ELAPOR2: variants seen among roughly 807,000 people sequenced by gnomAD.
ELAPOR2 encodes the protein endosome/lysosome-associated apoptosis and autophagy regulator family member 2.
Under a neutral mutation model 120.7 loss-of-function variants are expected in ELAPOR2, and 89 were observed. That is an observed-to-expected ratio of 0.74 (90% CI 0.62 to 0.88). The LOEUF (loss-of-function observed/expected upper bound fraction) is 0.88, where lower values mean the gene tolerates loss of function less well. Ranked by LOEUF, ELAPOR2 falls within the 40% of genes least tolerant of loss-of-function variation. The pLI is 0.00. For synonymous variants in ELAPOR2, 444 were observed against 444.9 expected, an observed-to-expected ratio of 1.00 and a Z score of 0.03; for missense variants, 1,134 against 1,251.6, an observed-to-expected ratio of 0.91 and a Z score of 1.42.
chr7:87,041,430 C>A (rs542306834), intron 1 of ELAPOR2, among the ~76,000 whole-genome samples: 4 of 151,988 alleles, frequency 2.6e-5, no homozygotes, highest in Admixed American at 6.5e-5. Context: ...ATAAACCCTA[C>A]GAGCCAGAAG....
chr7:86,883,484 GA>G (rs1450824760), intron 21 of ELAPOR2, among the ~76,000 whole-genome samples: 1 of 152,156 alleles, frequency 6.6e-6, no homozygotes. Context: ...TCAAACACTG[GA>G]AATAGCACAG....
At chr7:86,967,680 T>C (rs1005068915) in intron 1 of ELAPOR2, among the ~76,000 whole-genome samples, 4 of 152,128 alleles carry the variant, frequency 2.6e-5, no homozygotes, top group African/African-American at 9.7e-5. Flanking sequence ...AGTTATGAGA[T>C]GAGAACAGCA....
intron 8 of ELAPOR2, among the ~76,000 whole-genome samples, chr7:86,936,743 T>C (rs1485189641): frequency 6.6e-6 from 1 of 152,102 alleles, no homozygotes. Flanking sequence ...ACATTTAATA[T>C]ACGGTCTTGC....
In ELAPOR2 at chr7:86,879,867, A is replaced by C. The variant is rs906140776; in HGVS notation, c.*604T>G. The C allele has an allele frequency of 1.9e-4, 29 of 152,336 alleles. No homozygotes were observed. The highest frequency in any genetic ancestry group is 7.0e-4 in the African/African-American group (29 of 41,568). The allele number at this position is 152,336 out of a possible 1,614,324, so 9.4% of individuals were successfully genotyped here. On this transcript the variant is annotated 3_prime_UTR_variant, in exon 22 of 22. Coordinates refer to ENST00000450689, the MANE Select transcript of ELAPOR2 (RefSeq NM_001142749.3). Reference sequence around the variant, plus strand: ...ATTTCAAAGGCAATTATAAATCTAGATAACCCAAGCACATGCTAACTCTTC... The same window carrying C: ...ATTTCAAAGGCAATTATAAATCTAGCTAACCCAAGCACATGCTAACTCTTC...
rs191270964 is a variant in ELAPOR2, at chr7:86,996,035, C to T, written c.190-31011G>A. ...AGCCAAAACCTTAACACAATGAAGC[C>T]AGCCACTGAGCTAAATGCAAATGTG... is the stretch of plus-strand genomic sequence containing the variant. On this transcript the variant is annotated intron_variant, in intron 1 of 21. Coordinates refer to ENST00000450689, the MANE Select transcript of ELAPOR2 (RefSeq NM_001142749.3). Among the ~76,000 whole-genome samples the T allele has an allele frequency of 1.3e-3, 196 of 152,156 alleles. 6 individuals are homozygous for T. The South Asian group carries it at 0.035, about 27-fold the overall frequency.
intron 10 of ELAPOR2, among the ~76,000 whole-genome samples, chr7:86,922,048 T>A (rs1789856931): frequency 6.6e-6 from 1 of 151,948 alleles, no homozygotes; most frequent in African/African-American, 2.4e-5. Flanking sequence ...AAATTAAGAT[T>A]TTTTTTTCCT....
At chr7:86,882,033 C>T (rs1799436126) in intron 21 of ELAPOR2, among the ~76,000 whole-genome samples, 2 of 152,172 alleles carry the variant, frequency 1.3e-5, no homozygotes, top group African/African-American at 4.8e-5. Flanking sequence ...AGCATACACA[C>T]AAACATATCA....
intron 3 of ELAPOR2, 114 bp downstream of exon 3, chr7:86,947,613 C>T (rs999381401): frequency 1.2e-5 from 11 of 919,348 alleles, no homozygotes; most frequent in Middle Eastern, 3.4e-4. Flanking sequence ...TTGCAATTAG[C>T]TTATCTATCA....
chr7:87,022,529 C>T (rs1242498879), intron 1 of ELAPOR2, among the ~76,000 whole-genome samples: 1 of 151,950 alleles, frequency 6.6e-6, no homozygotes, highest in Admixed American at 6.6e-5. Flanking sequence ...TGAGTAGTGC[C>T]CCAATAAACA....
chr7:86,954,242 T>C (rs901773165), intron 2 of ELAPOR2, among the ~76,000 whole-genome samples: 2 of 152,176 alleles, frequency 1.3e-5, no homozygotes, highest in Non-Finnish European at 2.9e-5. Flanking sequence ...ATCATGCAAC[T>C]ACCCAGCACA....
At chr7:86,914,099 A>C (rs1789449126) in intron 13 of ELAPOR2, among the ~76,000 whole-genome samples, 1 of 152,202 alleles carries the variant, frequency 6.6e-6, no homozygotes, top group Admixed American at 6.5e-5. Flanking sequence ...CCACTTTTGA[A>C]CAAGTGGTTT....
intron 1 of ELAPOR2, among the ~76,000 whole-genome samples, chr7:87,028,306 GT>G (rs1349027815): frequency 6.6e-6 from 1 of 151,906 alleles, no homozygotes; most frequent in African/African-American, 2.4e-5. Context: ...AAAAACACCT[GT>G]TTCAATATTC....
chr7:86,941,580 G>A (rs1790797724), intron 5 of ELAPOR2, among the ~76,000 whole-genome samples: 2 of 152,206 alleles, frequency 1.3e-5, no homozygotes, highest in East Asian at 3.9e-4. Flanking sequence ...GCACAGCGCA[G>A]AGAAAGATAA....
chr7:86,926,476 A>C (rs1473369171), intron 9 of ELAPOR2, among the ~76,000 whole-genome samples: 1 of 152,126 alleles, frequency 6.6e-6, no homozygotes, highest in South Asian at 2.1e-4. Flanking sequence ...TGGGGGACAT[A>C]GATTCAAATC....
chr7:86,897,679 A>C, intron 18 of ELAPOR2, 47 bp from the exon 19 acceptor site: 1 of 1,608,712 alleles, frequency 6.2e-7, no homozygotes, highest in Non-Finnish European at 8.5e-7. Context: ...CAGCTTTTTA[A>C]CCCATTCAAT....
At chr7:87,049,658 C>G (rs1795048216) in intron 1 of ELAPOR2, among the ~76,000 whole-genome samples, 1 of 152,070 alleles carries the variant, frequency 6.6e-6, no homozygotes, top group Non-Finnish European at 1.5e-5. Context: ...AGGGACAAAG[C>G]CAAGTAAATA....
chr7:86,965,935 G>A, intron 1 of ELAPOR2: 1 of 985,284 alleles, frequency 1.0e-6, no homozygotes, highest in Non-Finnish European at 1.2e-6. Context: ...CGGACATCAG[G>A]AATGAGAAGG....
At chr7:86,949,516 C>T (rs1290893851) in intron 2 of ELAPOR2, among the ~76,000 whole-genome samples, 2 of 152,096 alleles carry the variant, frequency 1.3e-5, no homozygotes, top group Non-Finnish European at 2.9e-5. Flanking sequence ...TCTTGGGGGC[C>T]AGGAGCAGGC....
chr7:87,005,610 G>T (rs1793447220), intron 1 of ELAPOR2, among the ~76,000 whole-genome samples: 1 of 152,112 alleles, frequency 6.6e-6, no homozygotes, highest in Admixed American at 6.6e-5. Context: ...ATTATTCAGA[G>T]AACTCTCACT....
Sources: allele counts gnomAD v4.1 joint callset (sites outside exome capture counted in the v4.1 genomes callset), GRCh38; gene constraint gnomAD v4.1.1; transcripts MANE v1.5; gene names NCBI Gene and HGNC (gene_info 2026-07-23, HGNC 2026-07-21).